Variants in ABCB9 observed in about 807,000 individuals in gnomAD.
ABCB9 encodes ABC-type oligopeptide transporter ABCB9.
In ABCB9, 36 loss-of-function variants were observed where a neutral mutation model predicts 62.0. The ratio of observed to expected loss-of-function variants is 0.58; its 90% CI spans 0.45 to 0.77. The LOEUF (loss-of-function observed/expected upper bound fraction) is 0.77, where lower values mean the gene tolerates loss of function less well. Ranked by LOEUF, ABCB9 falls within the 30% of genes least tolerant of loss-of-function variation. The pLI is 0.00. For missense variants in ABCB9, 943 were observed against 1,054.7 expected, an observed-to-expected ratio of 0.89 and a Z score of 1.47; for synonymous variants, 435 against 461.4, an observed-to-expected ratio of 0.94 and a Z score of 0.73.
At chr12:122,951,637 A>C (rs1221621445) in intron 2 of ABCB9, 1 of 152,186 alleles carries the variant, frequency 6.6e-6, no homozygotes, top group African/African-American at 2.4e-5. Flanking sequence ...AAATTCTGGA[A>C]CCTCAGAAGA....
chr12:122,952,373 C>T (rs1294836291), intron 2 of ABCB9: 2 of 152,312 alleles, frequency 1.3e-5, no homozygotes, highest in East Asian at 3.8e-4. Context: ...AGGTTTGGGG[C>T]TGGGCATACA....
intron 7 of ABCB9, among the ~76,000 whole-genome samples, chr12:122,941,777 G>A (rs539764139): frequency 1.3e-5 from 2 of 152,168 alleles, no homozygotes; most frequent in African/African-American, 4.8e-5. Context: ...CCAGGCTGGA[G>A]TGCAGTGGTG....
chr12:122,935,723 T>C (rs1350923408), intron 9 of ABCB9, among the ~76,000 whole-genome samples: 1 of 152,060 alleles, frequency 6.6e-6, no homozygotes, highest in African/African-American at 2.4e-5. Flanking sequence ...ATCCCTGTCC[T>C]GAAAAAAAGA....
At chr12:122,938,603 T>G (rs112827603) in intron 9 of ABCB9, among the ~76,000 whole-genome samples, 1 of 147,708 alleles carries the variant, frequency 6.8e-6, no homozygotes, top group Non-Finnish European at 1.5e-5. Context: ...CCGAGGCGGG[T>G]GGATCACGAG....
intron 2 of ABCB9, among the ~76,000 whole-genome samples, chr12:122,954,172 A>C (rs1325932150): frequency 8.0e-6 from 1 of 125,710 alleles, no homozygotes; most frequent in East Asian, 2.1e-4. Context: ...GCCCTGCCTC[A>C]AAAAAAAAAA....
intron 1 of ABCB9, among the ~76,000 whole-genome samples, chr12:122,972,655 C>T (rs559506763): frequency 6.6e-6 from 1 of 152,144 alleles, no homozygotes; most frequent in Non-Finnish European, 1.5e-5. Context: ...GGATTACAGG[C>T]GTGTGCTACC....
Position 122,944,529 on chromosome 12 carries a change from A to G in ABCB9, c.1252-10T>C, listed in dbSNP as rs770994409. 6.2e-7 allele frequency: 1 copy of G among 1,613,414 alleles called. No individual in the cohort carries two copies. The highest frequency in any genetic ancestry group is 8.5e-7 in the Non-Finnish European group (1 of 1,179,728). ...CCACCAGCAGTGTGAGCTGGGGCAG[A>G]GGGAGAGGGGATGTGGGTCGAGGGG... On this transcript the variant is annotated splice_polypyrimidine_tract_variant and intron_variant, in intron 6 of 11. Coordinates refer to ENST00000280560, the MANE Select transcript of ABCB9 (RefSeq NM_019625.4). The surrounding 1 kb of genome is among the most constrained non-coding windows in gnomAD (Gnocchi z 4.9).
chr12:122,953,494 T>C (rs1386062838), intron 2 of ABCB9, among the ~76,000 whole-genome samples: 1 of 152,184 alleles, frequency 6.6e-6, no homozygotes, highest in Non-Finnish European at 1.5e-5. Flanking sequence ...TTCAAGTGAT[T>C]GTCCTGCCTC....
intron 11 of ABCB9, among the ~76,000 whole-genome samples, chr12:122,931,036 G>A (rs2035127633): frequency 6.6e-6 from 1 of 151,968 alleles, no homozygotes; most frequent in South Asian, 2.1e-4. Context: ...TTGTTTGTTT[G>A]TTTTTTCAGA....
At chr12:122,968,911 G>C (rs574992400), upstream of ABCB9, among the ~76,000 whole-genome samples, 94 of 152,142 alleles carry the variant, frequency 6.2e-4, no homozygotes, top group African/African-American at 2.0e-3. Context: ...CACCGCACCC[G>C]GCCTCTCTGT....
chr12:122,924,730 TTCC>T, downstream of ABCB9: 1 of 1,532,998 alleles, frequency 6.5e-7, no homozygotes, highest in South Asian at 1.2e-5. Flanking sequence ...CCTGCTTGTT[TTCC>T]TCATCTGTCT....
In ABCB9 at chr12:122,930,083, A is replaced by G. The variant is rs1373667460; in HGVS notation, c.2129T>C (p.Ile710Thr). ...TACGCGGCCCTTGTCCAGCACCACA[A>G]TGAGGTGCGCGTGCTCCACGGTGCT... ...RLSTVEHAHL[I>T]VVLDKGRVVQ... The change falls in exon 12 of 12, where the codon ATT becomes ACT. Residue 710 changes from isoleucine (I) to threonine (T), a missense_variant. By Grantham distance (89) the Ile-to-Thr change is moderately conservative. Transcript: ENST00000280560. This position sits in a 1 kb window ranked among gnomAD's most constrained non-coding sequence, Gnocchi z 4.9. 8 of 1,563,024 alleles carry G rather than the reference A, an allele frequency of 5.1e-6. No individual in the cohort carries two copies. In the East Asian group the frequency reaches 1.2e-4, roughly 23 times the overall value.
intron 5 of ABCB9, chr12:122,946,577 G>T: frequency 3.4e-6 from 1 of 296,532 alleles, no homozygotes; most frequent in Non-Finnish European, 6.5e-6. Flanking sequence ...ACCCTGTGCT[G>T]GAAGAGCAGG....
At chr12:122,946,535 T>C (rs2036055696) in intron 5 of ABCB9, 1 of 380,528 alleles carries the variant, frequency 2.6e-6, no homozygotes. Flanking sequence ...CAGTTTTTGG[T>C]AATCCTTTCA....
chr12:122,950,879 G>C lies in ABCB9; in HGVS notation c.602-314C>G, dbSNP rs771454630. 3.7e-4 allele frequency: 107 copies of C among 288,564 alleles called. 2 individuals are homozygous for C. Among genetic ancestry groups the C allele is most frequent in the Middle Eastern group, 1.2e-3 (1 of 818 alleles). 17.9% of individuals were successfully genotyped at this position (288,564 alleles called of 1,614,324 possible). A position where few individuals can be genotyped will look rare whatever the true frequency, so the allele number is the denominator to read the frequency against. On this transcript the variant is annotated intron_variant, in intron 2 of 11. Transcript: ENST00000280560. Reference sequence around the variant, plus strand: ...TTGTTTTTTGAGACAGGGTCTCGCTGTGTCCCCCGGGCTGGAGTGCAGTGG... The same window carrying C: ...TTGTTTTTTGAGACAGGGTCTCGCTCTGTCCCCCGGGCTGGAGTGCAGTGG...
upstream of ABCB9, among the ~76,000 whole-genome samples, chr12:122,967,885 C>G (rs775503348): frequency 5.9e-5 from 9 of 152,150 alleles, no homozygotes; most frequent in African/African-American, 1.7e-4. Flanking sequence ...TCAGAACTTA[C>G]AACACTATGT....
At chr12:122,974,254 T>C (rs1454609782) in intron 1 of ABCB9, among the ~76,000 whole-genome samples, 3 of 152,078 alleles carry the variant, frequency 2.0e-5, no homozygotes, top group Non-Finnish European at 4.4e-5. Flanking sequence ...CTTTCCTAGA[T>C]AGCAGGGCCT....
rs1594083431 is a variant in ABCB9, at chr12:122,966,042, G to A, written c.-88+245C>T. ...CCTCCCACATTTTCCAAGAGGCAGC[G>A]GCGCCTTGGGGGTTAAAAAAAATGG... On this transcript the variant is annotated intron_variant, in intron 1 of 11. Coordinates refer to ENST00000280560, the MANE Select transcript of ABCB9 (RefSeq NM_019625.4). 2.6e-5 allele frequency among the ~76,000 whole-genome samples: 4 copies of A among 152,264 alleles called. No individual in the cohort carries two copies. The South Asian group carries it at 8.3e-4, about 32-fold the overall frequency.
At chr12:122,942,780 G>A (rs1414975485) in intron 7 of ABCB9, among the ~76,000 whole-genome samples, 1 of 152,122 alleles carries the variant, frequency 6.6e-6, no homozygotes, top group Non-Finnish European at 1.5e-5. Context: ...CCCCAGCCTG[G>A]GTGACAATGT....
Sources: gnomAD v4.1 joint callset for allele counts (sites outside exome capture counted in the v4.1 genomes callset) on GRCh38, gnomAD v4.1.1 for gene constraint, Gnocchi (gnomAD v3.1) non-coding constraint, MANE v1.5 for transcripts, NCBI Gene and HGNC (gene_info 2026-07-23, HGNC 2026-07-21) for gene names.